NFATC1: variants seen among roughly 807,000 people sequenced by gnomAD.
The protein encoded by NFATC1 is nuclear factor of activated T cells 1.
A neutral mutation model predicts 76.0 loss-of-function variants in NFATC1; 22 were observed. That is an observed-to-expected ratio of 0.29 (90% CI 0.21 to 0.41). The LOEUF is 0.41. Ranked by LOEUF, NFATC1 falls within the 10% of genes least tolerant of loss-of-function variation. The pLI, the probability that NFATC1 is intolerant of heterozygous loss-of-function variation, is 1.00. For missense variants in NFATC1, 1,357 were observed against 1,337.7 expected (o/e 1.01, Z -0.23); for synonymous variants, 704 against 613.1 (o/e 1.15, Z -2.19).
chr18:79,472,861 C>T (rs916791342), intron 8 of NFATC1, among the ~76,000 whole-genome samples: 5 of 152,226 alleles, frequency 3.3e-5, no homozygotes, highest in Non-Finnish European at 5.9e-5. Flanking sequence ...TTCCATGTGT[C>T]GGCTGTGGGC....
At chr18:79,514,373 C>T (rs754788457) in intron 9 of NFATC1, among the ~76,000 whole-genome samples, 10 of 151,264 alleles carry the variant, frequency 6.6e-5, no homozygotes, top group Non-Finnish European at 1.5e-4. Context: ...CCAGGAGTTC[C>T]AGACCAGCTT....
chr18:79,513,807 G>A (rs1455844649), intron 9 of NFATC1, among the ~76,000 whole-genome samples: 1 of 152,248 alleles, frequency 6.6e-6, no homozygotes, highest in Non-Finnish European at 1.5e-5. Flanking sequence ...CACCATGAGG[G>A]GAGGTGCGTG....
Position 79,486,908 on chromosome 18 carries a change from A to C in NFATC1, c.2753A>C (p.Glu918Ala). Residue 918 changes from glutamate (E) to alanine (A), a missense_variant, in exon 9 of 10, where the codon GAA becomes GCA. Coordinates refer to ENST00000427363, the MANE Select transcript of NFATC1 (RefSeq NM_001278669.2). The part of the protein sequence containing the change: ...PIPVTVKREP[E>A]ELDQLYLDDV... ...CCTGTAACGGTCAAGCGAGAGCCTG[A>C]AGAGTTGGACCAGTTGTACCTGGAT... 1 of 1,605,606 alleles carries C rather than the reference A, an allele frequency of 6.2e-7. No individual in the cohort carries two copies.
At chr18:79,509,070 A>G (rs2090184301) in intron 9 of NFATC1, among the ~76,000 whole-genome samples, 2 of 152,128 alleles carry the variant, frequency 1.3e-5, no homozygotes, top group African/African-American at 2.4e-5. Context: ...GGAGAACTAG[A>G]GCATTGGAGA....
chr18:79,467,302 A>G (rs2088553554), intron 7 of NFATC1, 148 bp from the exon 8 acceptor site: 1 of 720,302 alleles, frequency 1.4e-6, no homozygotes, highest in Non-Finnish European at 2.2e-6. Context: ...CTGCCGTGGA[A>G]ACGCGGGGTT....
At chr18:79,526,884 G>A (rs567232653) in intron 9 of NFATC1, among the ~76,000 whole-genome samples, 4 of 152,208 alleles carry the variant, frequency 2.6e-5, no homozygotes, top group Non-Finnish European at 2.9e-5. Context: ...TGACGTCAGC[G>A]CACGCCCCAC....
At chr18:79,444,975 G>A (rs561327197) in intron 3 of NFATC1, among the ~76,000 whole-genome samples, 28 of 152,348 alleles carry the variant, frequency 1.8e-4, no homozygotes, top group African/African-American at 5.8e-4. Flanking sequence ...AAATCACACC[G>A]GCAGCCTGTC....
chr18:79,456,418 G>A (rs927156405), intron 6 of NFATC1, among the ~76,000 whole-genome samples: 2 of 152,198 alleles, frequency 1.3e-5, no homozygotes, highest in Non-Finnish European at 2.9e-5. Flanking sequence ...TTCCTTCAAG[G>A]CCAGGGGGAG....
chr18:79,515,389 G>A (rs971099577), intron 9 of NFATC1, among the ~76,000 whole-genome samples: 2 of 151,176 alleles, frequency 1.3e-5, no homozygotes, highest in Non-Finnish European at 2.9e-5. Context: ...TCCCACAGGA[G>A]TGGTGGTCTC....
intron 1 of NFATC1, chr18:79,400,369 C>T: frequency 6.9e-7 from 1 of 1,441,814 alleles, no homozygotes; most frequent in African/African-American, 1.5e-5. Context: ...CCGGCTCCCG[C>T]CCCGGCCCCG....
rs1282033674 is a variant in NFATC1 at position 79,465,097 on chromosome 18, T to G, written c.1960-2353T>G. Among the ~76,000 whole-genome samples, 3 of 151,840 alleles carry G rather than the reference T, an allele frequency of 2.0e-5. No individual in the cohort carries two copies. The East Asian group carries it at 5.8e-4, about 29-fold the overall frequency. ...TATGAGCTTCATCTCAACAGTGGAG[T>G]TTAAAGCAGGTTGCGTAGGTGCTGG... On this transcript the variant is annotated intron_variant, in intron 7 of 9. Coordinates refer to ENST00000427363, the MANE Select transcript of NFATC1 (RefSeq NM_001278669.2). This position sits in a 1 kb window ranked among gnomAD's most constrained non-coding sequence, Gnocchi z 4.2.
At chr18:79,492,696 G>A (rs1293308356) in intron 9 of NFATC1, among the ~76,000 whole-genome samples, 2 of 149,470 alleles carry the variant, frequency 1.3e-5, no homozygotes, top group South Asian at 2.1e-4. Context: ...GTGACAGAGC[G>A]AGACTCCATC....
intron 9 of NFATC1, among the ~76,000 whole-genome samples, chr18:79,522,221 T>C (rs1217036280): frequency 5.9e-5 from 5 of 84,350 alleles, no homozygotes; most frequent in Non-Finnish European, 1.1e-4. Flanking sequence ...CTGATGTGTG[T>C]GTCTGGGTGT....
intron 8 of NFATC1, among the ~76,000 whole-genome samples, chr18:79,472,866 G>C (rs1600845670): frequency 1.3e-5 from 2 of 152,230 alleles, no homozygotes; most frequent in South Asian, 2.1e-4. Context: ...TGTGTCGGCT[G>C]TGGGCACCTT....
intron 9 of NFATC1, among the ~76,000 whole-genome samples, chr18:79,495,408 TGGAAG>T (rs1351684975): frequency 6.6e-6 from 1 of 152,236 alleles, no homozygotes; most frequent in Non-Finnish European, 1.5e-5. Flanking sequence ...TTTGTGTACT[TGGAAG>T]GGAAATTTGG....
intron 8 of NFATC1, among the ~76,000 whole-genome samples, chr18:79,484,162 A>G (rs2145050576): frequency 6.6e-6 from 1 of 152,064 alleles, no homozygotes; most frequent in Non-Finnish European, 1.5e-5. Context: ...CCTGGGCACC[A>G]CTGCAGAGGC....
intron 3 of NFATC1, among the ~76,000 whole-genome samples, chr18:79,434,324 G>T (rs1193418569): frequency 6.6e-6 from 1 of 152,246 alleles, no homozygotes; most frequent in African/African-American, 2.4e-5. Flanking sequence ...GGGCTGTGGT[G>T]TGGCTTCCTC....
At chr18:79,428,871 C>T (rs1307087178) in intron 2 of NFATC1, among the ~76,000 whole-genome samples, 2 of 151,984 alleles carry the variant, frequency 1.3e-5, no homozygotes, top group African/African-American at 4.8e-5. Context: ...GACAAAGTAC[C>T]AAATTATGTG....
chr18:79,442,610 G>T (rs1436135565), intron 3 of NFATC1, among the ~76,000 whole-genome samples: 1 of 152,254 alleles, frequency 6.6e-6, no homozygotes, highest in Non-Finnish European at 1.5e-5. Context: ...TCTGGAGTGG[G>T]GATACAATGT....
Sources: allele counts gnomAD v4.1 joint callset (sites outside exome capture counted in the v4.1 genomes callset), GRCh38; gene constraint gnomAD v4.1.1; non-coding constraint Gnocchi (gnomAD v3.1); transcripts MANE v1.5; gene names NCBI Gene and HGNC (gene_info 2026-07-23, HGNC 2026-07-21).